SGMS1: variants seen among roughly 807,000 people sequenced by gnomAD.
The protein encoded by SGMS1 is sphingomyelin synthase 1.
Under a neutral mutation model 46.2 loss-of-function variants are expected in SGMS1, and 13 were observed. The ratio of observed to expected loss-of-function variants is 0.28; its 90% CI spans 0.18 to 0.45. The LOEUF (loss-of-function observed/expected upper bound fraction) is 0.45, where lower values mean the gene tolerates loss of function less well. Among genes scored for constraint, SGMS1 ranks in the 20% least tolerant of loss-of-function variants. SGMS1 has a pLI of 1.00. For synonymous variants in SGMS1, 203 were observed against 187.8 expected (o/e 1.08, Z -0.66); for missense variants, 324 against 519.9 (o/e 0.62, Z 3.66).
chr10:50,499,286 T>C (rs1285734515), intron 3 of SGMS1, among the ~76,000 whole-genome samples: 1 of 152,220 alleles, frequency 6.6e-6, no homozygotes. Context: ...AATGGAGCTA[T>C]GAATATCCAT....
In SGMS1 at chr10:50,466,520, C is replaced by A. The variant is rs145171363; in HGVS notation, c.-455+370G>T. Among the ~76,000 whole-genome samples the A allele has an allele frequency of 2.8e-3, 432 of 152,136 alleles. 3 individuals are homozygous for A. The highest frequency in any genetic ancestry group is 9.9e-3 in the African/African-American group (412 of 41,502). ...GTGCCATACATAGACTCCAAAAGTG[C>A]TGTACTGCAAACACCTAAAATGATA... On this transcript the variant is annotated intron_variant, in intron 4 of 10. Coordinates refer to ENST00000361781, the MANE Select transcript of SGMS1 (RefSeq NM_147156.4).
intron 7 of SGMS1, among the ~76,000 whole-genome samples, chr10:50,328,305 C>T (rs976096317): frequency 6.6e-6 from 1 of 152,110 alleles, no homozygotes; most frequent in East Asian, 1.9e-4. Flanking sequence ...CTGTGGGTCT[C>T]CTCTTCCTTA....
chr10:50,536,835 G>A lies in SGMS1; in HGVS notation c.-588-16914C>T, dbSNP rs139334779. Among the ~76,000 whole-genome samples, 40 of 152,288 alleles carry A rather than the reference G, an allele frequency of 2.6e-4. No individual in the cohort carries two copies. The East Asian group carries it at 5.8e-3, about 22-fold the overall frequency. On this transcript the variant is annotated intron_variant, in intron 2 of 10. Coordinates refer to ENST00000361781, the MANE Select transcript of SGMS1 (RefSeq NM_147156.4). Reference sequence around the variant, plus strand: ...ATGCTATAATCATTGTCAAGATTATGCAATAGTCTATCATATAGGTGAATT... The same window carrying A: ...ATGCTATAATCATTGTCAAGATTATACAATAGTCTATCATATAGGTGAATT...
intron 1 of SGMS1, among the ~76,000 whole-genome samples, chr10:50,617,510 CA>C (rs917295754): frequency 2.0e-5 from 3 of 152,104 alleles, no homozygotes; most frequent in African/African-American, 7.2e-5. Context: ...GTACATCTGT[CA>C]AAAGTAATCA....
chr10:50,524,645 T>C (rs375637540), intron 2 of SGMS1, among the ~76,000 whole-genome samples: 4 of 152,336 alleles, frequency 2.6e-5, no homozygotes, highest in South Asian at 4.1e-4. Context: ...GTAGGTGATA[T>C]TTATTATTAT....
At chr10:50,443,462 G>A (rs1350428241) in intron 5 of SGMS1, among the ~76,000 whole-genome samples, 1 of 151,776 alleles carries the variant, frequency 6.6e-6, no homozygotes, top group Non-Finnish European at 1.5e-5. Flanking sequence ...CATCTCATTC[G>A]AAACAGGTGT....
chr10:50,568,995 G>C (rs1838314386), intron 2 of SGMS1, among the ~76,000 whole-genome samples: 2 of 152,244 alleles, frequency 1.3e-5, no homozygotes, highest in Admixed American at 1.3e-4. Context: ...CATGTCCTTT[G>C]TAGGGACATG....
intron 6 of SGMS1, among the ~76,000 whole-genome samples, chr10:50,373,181 G>A (rs1377612807): frequency 2.0e-5 from 3 of 152,180 alleles, no homozygotes; most frequent in Non-Finnish European, 2.9e-5. Flanking sequence ...TTGAAAGTAT[G>A]ATAATTTCCA....
At chr10:50,334,681 A>C (rs1847686693) in intron 7 of SGMS1, 1 of 152,250 alleles carries the variant, frequency 6.6e-6, no homozygotes, top group Admixed American at 6.5e-5. Context: ...ATTAAAATTC[A>C]CACAATGAAT....
chr10:50,399,993 C>T (rs996999736), intron 6 of SGMS1, among the ~76,000 whole-genome samples: 2 of 148,758 alleles, frequency 1.3e-5, no homozygotes, highest in Non-Finnish European at 3.0e-5. Context: ...CGCGCCACTG[C>T]ACTCCAGCCT....
At chr10:50,551,783 T>A (rs537656695) in intron 2 of SGMS1, among the ~76,000 whole-genome samples, 4 of 152,136 alleles carry the variant, frequency 2.6e-5, no homozygotes, top group African/African-American at 4.8e-5. Context: ...TGCTGTTCCC[T>A]TCCCTCCCAT....
At chr10:50,572,114 C>T (rs552680860) in intron 2 of SGMS1, among the ~76,000 whole-genome samples, 53 of 152,306 alleles carry the variant, frequency 3.5e-4, no homozygotes, top group Admixed American at 9.8e-4. Flanking sequence ...CCCCTGACCA[C>T]ACTGTGTTGT....
chr10:50,367,364 T>C (rs113863770), intron 6 of SGMS1, among the ~76,000 whole-genome samples: 41 of 152,338 alleles, frequency 2.7e-4, no homozygotes, highest in African/African-American at 9.6e-4. Context: ...CTAATACTTA[T>C]TTAGATAGCT....
intron 3 of SGMS1, among the ~76,000 whole-genome samples, chr10:50,493,955 G>A (rs186264489): frequency 1.1e-4 from 16 of 152,202 alleles, no homozygotes; most frequent in East Asian, 1.9e-4. Context: ...GTGCCACCAC[G>A]CCCGGCTAAT....
chr10:50,525,907 T>C (rs1414854845), intron 2 of SGMS1, among the ~76,000 whole-genome samples: 1 of 152,236 alleles, frequency 6.6e-6, no homozygotes, highest in Non-Finnish European at 1.5e-5. Flanking sequence ...AAGGTTGCTA[T>C]GTTAATTATT....
At chr10:50,398,998 C>T (rs1247306320) in intron 6 of SGMS1, among the ~76,000 whole-genome samples, 1 of 151,558 alleles carries the variant, frequency 6.6e-6, no homozygotes, top group East Asian at 1.9e-4. Context: ...TTAGTAGTTG[C>T]CTAGGGCTCG....
rs117215893 is a variant in SGMS1 at position 50,324,866 on chromosome 10, G to A, written c.741+2339C>T. 1.6e-3 allele frequency among the ~76,000 whole-genome samples: 242 copies of A among 152,322 alleles called. 1 individual carries two copies. Among genetic ancestry groups the A allele is most frequent in the Non-Finnish European group, 1.9e-3 (131 of 68,024 alleles). ...ATGTCTACAGGCTACTGGTAGAGGG[G>A]TGAAAGGAAGAAAGGACTGCTTTAG... is the stretch of plus-strand genomic sequence containing the variant. On this transcript the variant is annotated intron_variant, in intron 8 of 10. Coordinates refer to ENST00000361781, the MANE Select transcript of SGMS1 (RefSeq NM_147156.4).
chr10:50,581,888 T>TA (rs1443799547), intron 2 of SGMS1, among the ~76,000 whole-genome samples: 1 of 152,168 alleles, frequency 6.6e-6, no homozygotes, highest in East Asian at 1.9e-4. Context: ...ATCTACATGG[T>TA]AAACAATTTC....
At chr10:50,568,009 G>A (rs1398206332) in intron 2 of SGMS1, among the ~76,000 whole-genome samples, 1 of 152,148 alleles carries the variant, frequency 6.6e-6, no homozygotes, top group Non-Finnish European at 1.5e-5. Context: ...GTTTGGGGGA[G>A]GGGGTTGGGG....
Sources: allele counts gnomAD v4.1 joint callset (sites outside exome capture counted in the v4.1 genomes callset), GRCh38; gene constraint gnomAD v4.1.1; transcripts MANE v1.5; gene names NCBI Gene and HGNC (gene_info 2026-07-23, HGNC 2026-07-21).